The following APOB variants were observed in gnomAD, a reference collection of about 807,000 sequenced individuals.
The protein encoded by APOB is apolipoprotein B.
In APOB, 153 loss-of-function variants were observed where a neutral mutation model predicts 314.1. The observed-to-expected ratio is 0.49, with a 90% CI of 0.43 to 0.56. The LOEUF (loss-of-function observed/expected upper bound fraction) is 0.56, where lower values mean the gene tolerates loss of function less well. Ranked by LOEUF, APOB falls within the 20% of genes least tolerant of loss-of-function variation. The pLI is 0.00. For synonymous variants in APOB, 2,087 were observed against 2,036.4 expected (o/e 1.02, Z -0.67); for missense variants, 5,430 against 5,350.7 (o/e 1.01, Z -0.46).
chr2:21,017,948 C>A (rs1014385748), intron 20 of APOB, among the ~76,000 whole-genome samples: 1 of 152,108 alleles, frequency 6.6e-6, no homozygotes, highest in African/African-American at 2.4e-5. Flanking sequence ...CTGCTCCTCG[C>A]TATCCCTATA....
intron 9 of APOB, 84 bp downstream of exon 9, chr2:21,033,215 T>G: frequency 1.6e-5 from 17 of 1,035,904 alleles, no homozygotes; most frequent in Middle Eastern, 2.0e-4. Context: ...AAATGGTCCC[T>G]GAGATTCTCC....
At chr2:21,020,000 G>T in intron 18 of APOB, 95 bp from the exon 19 acceptor site, 2 of 1,126,320 alleles carry the variant, frequency 1.8e-6, no homozygotes, top group Non-Finnish European at 2.7e-6. Flanking sequence ...TTATCCTCCT[G>T]TCTTCCCTCA....
chr2:21,006,533 A>C lies in APOB; in HGVS notation c.10335T>G (p.Asn3445Lys). The C allele has an allele frequency of 6.2e-7, 1 of 1,614,126 alleles. No individual in the cohort carries two copies. The highest frequency in any genetic ancestry group is 8.5e-7 in the Non-Finnish European group (1 of 1,179,970). ...ILRMNFKQEL[N>K]GNTKSKPTVS... Reference sequence around the variant, plus strand: ...CAGTAGGTTTTGACTTGGTATTTCCATTAAGTTCTTGCTTGAAATTCATTC... The same window carrying C: ...CAGTAGGTTTTGACTTGGTATTTCCCTTAAGTTCTTGCTTGAAATTCATTC... Residue 3445 changes from asparagine to lysine, a missense_variant, in exon 26 of 29, where the codon AAT becomes AAG. Asn to Lys is a moderately conservative substitution (Grantham distance 94). This residue lies in a region of APOB where 3,281 missense variants were observed against 3,171.0 expected (regional missense o/e 1.03). Coordinates refer to ENST00000233242, the MANE Select transcript of APOB (RefSeq NM_000384.3).
chr2:21,043,750 C>T, intron 1 of APOB, 114 bp downstream of exon 1: 1 of 1,508,802 alleles, frequency 6.6e-7, no homozygotes, highest in Non-Finnish European at 8.9e-7. Flanking sequence ...CCCCCACTCG[C>T]CCTGGACCCT....
intron 13 of APOB, 86 bp downstream of exon 13, chr2:21,028,241 G>A: frequency 7.9e-7 from 1 of 1,267,498 alleles, no homozygotes; most frequent in Non-Finnish European, 1.2e-6. Flanking sequence ...CAGAAGCAAG[G>A]GCAGACAGTG....
At chr2:21,012,780 G>A (rs535728351) in intron 25 of APOB, 129 bp from the exon 26 acceptor site, 1 of 976,766 alleles carries the variant, frequency 1.0e-6, no homozygotes, top group South Asian at 1.6e-5. Context: ...TCCTCCATCT[G>A]TAATGCAAAG....
In APOB at chr2:21,005,275, G is replaced by A. The variant is rs746011115; in HGVS notation, c.11593C>T (p.Pro3865Ser). Residue 3865 changes from proline to serine, a missense_variant, in exon 26 of 29, where the codon CCC (proline) becomes TCC (serine). By Grantham distance (74) the Pro-to-Ser change is moderately conservative. Around this residue, in one of 3 missense-constraint regions of APOB, gnomAD observed 3,281 missense variants for 3,171.0 expected, o/e 1.03. Transcript: ENST00000233242. ...IIVPEQTIEI[P>S]SIKFSVPAGI... ...GCAGGTACAGAGAACTTAATGGAGG[G>A]AATCTCAATGGTCTGCTCAGGCACG... is the stretch of plus-strand genomic sequence containing the variant. 5.0e-6 allele frequency: 8 copies of A among 1,613,958 alleles called. No homozygotes were observed. The highest frequency in any genetic ancestry group is 6.8e-6 in the Non-Finnish European group (8 of 1,179,976).
In APOB at chr2:21,030,022, A is replaced by G. The variant is rs1558573138; in HGVS notation, c.1353-7T>C. 1.3e-6 allele frequency: 2 copies of G among 1,561,064 alleles called. No individual in the cohort carries two copies. The highest frequency in any genetic ancestry group is 1.8e-6 in the Non-Finnish European group (2 of 1,131,592). Reference sequence around the variant, plus strand: ...AGGGTTTGTCTTATGATAGCTACAGAATAAGAGAAGAGAGTCAGGACTTGG... The same window carrying G: ...AGGGTTTGTCTTATGATAGCTACAGGATAAGAGAAGAGAGTCAGGACTTGG... On this transcript the variant is annotated splice_polypyrimidine_tract_variant and splice_region_variant and intron_variant, in intron 10 of 28. Transcript: ENST00000233242.
rs754722194 is a variant in APOB, at chr2:21,013,149, G to C, written c.4216+11C>G. 3.1e-6 allele frequency: 5 copies of C among 1,613,238 alleles called. No homozygotes were observed. Among genetic ancestry groups the C allele is most frequent in the Non-Finnish European group, 4.2e-6 (5 of 1,179,894 alleles). ...CTAGCCCGGTGCACCCTTTACCTGA[G>C]CATAGCTCACCTTGCACATTGTAGG... is the stretch of plus-strand genomic sequence containing the variant. On this transcript the variant is annotated intron_variant, in intron 25 of 28. Coordinates refer to ENST00000233242, the MANE Select transcript of APOB (RefSeq NM_000384.3).
In APOB at chr2:21,005,066, AG is replaced by A. The variant is rs1558560342; in HGVS notation, c.11788+13del. 6.2e-7 allele frequency: 1 copy of A among 1,613,208 alleles called. No homozygotes were observed. The highest frequency in any genetic ancestry group is 8.5e-7 in the Non-Finnish European group (1 of 1,179,554). The stretch of plus-strand genomic sequence containing the variant: ...ATATACAGTATCTAGGAGAGGAGGC[AG>A]GATATTTCTTACCATTTAGTTCATA... On this transcript the variant is annotated intron_variant, in intron 26 of 28. Transcript: ENST00000233242.
rs183128193 is a variant in APOB at position 21,012,938 on chromosome 2, T to G, written c.4216+222A>C. Among the ~76,000 whole-genome samples the G allele has an allele frequency of 2.4e-3, 373 of 152,346 alleles. 6 individuals carry two copies. The highest frequency in any genetic ancestry group is 2.7e-3 in the East Asian group (14 of 5,190). ...AGCACCTCTCACACTGAATTATAAT[T>G]GCTGGCTTATCTGTCTACTTTCTGT... On this transcript the variant is annotated intron_variant, in intron 25 of 28. Transcript: ENST00000233242.
rs780691494 is a variant in APOB at position 21,032,434 on chromosome 2, C to G, written c.1272G>C (p.Gln424His). Reference protein sequence around the residue: ...LVALIPEPSAQQLREIFNMAR... With the variant: ...LVALIPEPSAHQLREIFNMAR... ...CCATGTTGAAGATCTCTCGCAGCTG[C>G]TGTGCTGAGGGCTCGGGGATCAGGG... The change falls in exon 10 of 29, where the codon CAG becomes CAC. Residue 424 changes from glutamine (Q) to histidine (H), a missense_variant. Around this residue, in one of 3 missense-constraint regions of APOB, gnomAD observed 2,085 missense variants for 2,079.7 expected, o/e 1.00. Transcript: ENST00000233242. 1.2e-6 allele frequency: 2 copies of G among 1,614,140 alleles called. No homozygotes were observed. The highest frequency in any genetic ancestry group is 1.1e-5 in the South Asian group (1 of 91,090).
chr2:21,008,311 T>C lies in APOB; in HGVS notation c.8557A>G (p.Lys2853Glu), dbSNP rs2103354190. The C allele has an allele frequency of 6.2e-7, 1 of 1,613,230 alleles. No homozygotes were observed. The highest frequency in any genetic ancestry group is 8.5e-7 in the Non-Finnish European group (1 of 1,179,358). ...MLFFGNAIEG[K>E]SNTVASLHTE... is the part of the protein sequence containing the mutation. Reference sequence around the variant, plus strand: ...TGTAAACTTGCCACTGTGTTTGATTTTCCCTCAATAGCATTTCCAAAAAAC... The same window carrying C: ...TGTAAACTTGCCACTGTGTTTGATTCTCCCTCAATAGCATTTCCAAAAAAC... Residue 2853 changes from lysine to glutamate, a missense_variant, in exon 26 of 29, where the codon AAA becomes GAA. Around this residue, in one of 3 missense-constraint regions of APOB, gnomAD observed 3,281 missense variants for 3,171.0 expected, o/e 1.03. Coordinates refer to ENST00000233242, the MANE Select transcript of APOB (RefSeq NM_000384.3).
In APOB at chr2:21,010,833, C is replaced by T. The variant is rs749146264; in HGVS notation, c.6035G>A (p.Arg2012Gln). 9.3e-6 allele frequency: 15 copies of T among 1,613,980 alleles called. No individual in the cohort carries two copies. The East Asian group carries it at 1.3e-4, about 14-fold the overall frequency. The change falls in exon 26 of 29, where the codon CGA (arginine) becomes CAA (glutamine). Residue 2012 changes from arginine (R) to glutamine (Q), a missense_variant. Physicochemically the swap from Arg to Gln is conservative, Grantham distance 43. Transcript: ENST00000233242. ...KDKIGVELTG[R>Q]TLADLTLLDS... ...TAGTAGAGTTAGGTCAGCCAGAGTT[C>T]GTCCAGTAAGCTCCACGCCAATTTT... is the stretch of plus-strand genomic sequence containing the variant.
chr2:21,004,636 G>C lies in APOB; in HGVS notation c.11828C>G (p.Ser3943Cys). 1 of 1,613,850 alleles carries C rather than the reference G, an allele frequency of 6.2e-7. No individual in the cohort carries two copies. Among genetic ancestry groups the C allele is most frequent in the Non-Finnish European group, 8.5e-7 (1 of 1,179,816 alleles). Reference sequence around the variant, plus strand: ...GTGTGCAAATGTTCCTTTAGTCTTAGAGGCTAACGTACCATCTTCGATTTT... The same window carrying C: ...GTGTGCAAATGTTCCTTTAGTCTTACAGGCTAACGTACCATCTTCGATTTT... ...THKIEDGTLA[S>C]KTKGTFAHRD... Residue 3943 changes from serine (S) to cysteine (C), a missense_variant, in exon 27 of 29, where the codon TCT (serine) becomes TGT (cysteine). Ser to Cys is a moderately radical substitution (Grantham distance 112). Around this residue, in one of 3 missense-constraint regions of APOB, gnomAD observed 3,281 missense variants for 3,171.0 expected, o/e 1.03. Coordinates refer to ENST00000233242, the MANE Select transcript of APOB (RefSeq NM_000384.3).
At chr2:21,016,322 A>G (rs1663462534) in intron 21 of APOB, 117 bp downstream of exon 21, 1 of 668,816 alleles carries the variant, frequency 1.5e-6, no homozygotes, top group African/African-American at 1.8e-5. Context: ...TCTCTCTGCC[A>G]CTCTGATTGT....
chr2:21,023,011 A>G lies in APOB; in HGVS notation c.2636T>C (p.Val879Ala). 1 of 1,614,200 alleles carries G rather than the reference A, an allele frequency of 6.2e-7. No individual in the cohort carries two copies. Among genetic ancestry groups the G allele is most frequent in the Non-Finnish European group, 8.5e-7 (1 of 1,180,034 alleles). The change falls in exon 18 of 29, where the codon GTG (valine) becomes GCG (alanine). Residue 879 changes from valine to alanine, a missense_variant. This residue lies in a region of APOB where 2,085 missense variants were observed against 2,079.7 expected (regional missense o/e 1.00). Coordinates refer to ENST00000233242, the MANE Select transcript of APOB (RefSeq NM_000384.3). ...MQAELVAKPS[V>A]SVEFVTNMGI... ...CATATTTGTCACAAACTCCACAGACACGGAGGGTTTTGCCACCAGTTCAGC... is the reference window on the plus strand; with the variant it reads ...CATATTTGTCACAAACTCCACAGACGCGGAGGGTTTTGCCACCAGTTCAGC...
rs375703153 is a variant in APOB at position 21,013,484 on chromosome 2, T to C, written c.3892A>G (p.Ile1298Val). ...TLNKNSLKIE[I>V]PLPFGGKSSR... is the part of the protein sequence containing the mutation. ...GATTTGCCACCAAAAGGCAAAGGAA[T>C]CTCAATTTTCAAACTGTTCTTGTTC... The change falls in exon 25 of 29, where the codon ATT becomes GTT. Residue 1298 changes from isoleucine to valine, a missense_variant. Ile to Val is a conservative substitution (Grantham distance 29, BLOSUM62 3). This residue lies in a region of APOB where 2,085 missense variants were observed against 2,079.7 expected (regional missense o/e 1.00). Coordinates refer to ENST00000233242, the MANE Select transcript of APOB (RefSeq NM_000384.3). 1.8e-5 allele frequency: 29 copies of C among 1,614,064 alleles called. No homozygotes were observed. Among genetic ancestry groups the C allele is most frequent in the Non-Finnish European group, 2.5e-5 (29 of 1,180,040 alleles).
At position 21,011,175 on chromosome 2, in the gene APOB, G is replaced by C. The variant is rs769220751; in HGVS notation, c.5693C>G (p.Ser1898Cys). Reference protein sequence around the residue: ...DSLHFSNVFRSVMAPFTMTID... With the variant: ...DSLHFSNVFRCVMAPFTMTID... ...GGTCATGGTAAACGGGGCCATTACA[G>C]AACGGAAGACATTGCTGAAATGCAG... The change falls in exon 26 of 29, where the codon TCT (serine) becomes TGT (cysteine). Residue 1898 changes from serine (S) to cysteine (C), a missense_variant. Ser to Cys is a moderately radical substitution (Grantham distance 112, BLOSUM62 -1). Transcript: ENST00000233242. The C allele has an allele frequency of 5.0e-6, 8 of 1,614,078 alleles. No homozygotes were observed. In the East Asian group the frequency reaches 1.1e-4, roughly 22 times the overall value.
Sources: gnomAD v4.1 joint callset for allele counts (sites outside exome capture counted in the v4.1 genomes callset) on GRCh38, gnomAD v4.1.1 for gene constraint, gnomAD v4.1.1 regional missense constraint, MANE v1.5 for transcripts, NCBI Gene and HGNC (gene_info 2026-07-23, HGNC 2026-07-21) for gene names.